STK32C: variants seen among roughly 807,000 people sequenced by gnomAD.
STK32C encodes the protein serine/threonine kinase 32C.
STK32C carries 31 observed loss-of-function variants against 56.5 expected under a neutral mutation model. The ratio of observed to expected loss-of-function variants is 0.55; its 90% CI spans 0.41 to 0.74. The LOEUF (loss-of-function observed/expected upper bound fraction) is 0.74, where lower values mean the gene tolerates loss of function less well. Among genes scored for constraint, STK32C ranks in the 30% least tolerant of loss-of-function variants. The probability of loss-of-function intolerance (pLI) is 0.00; values close to 1 mark genes in which losing one functional copy is unlikely to be tolerated. For missense variants in STK32C, 544 were observed against 676.9 expected, an observed-to-expected ratio of 0.80 and a Z score of 2.18; for synonymous variants, 309 against 289.4, an observed-to-expected ratio of 1.07 and a Z score of -0.69.
chr10:132,281,026 C>T (rs1237208897), intron 1 of STK32C, among the ~76,000 whole-genome samples: 5 of 147,460 alleles, frequency 3.4e-5, no homozygotes. Flanking sequence ...TCCGTGATCA[C>T]GTCCCTGCAC....
At chr10:132,273,326 C>A (rs1187765540) in intron 1 of STK32C, among the ~76,000 whole-genome samples, 1 of 152,012 alleles carries the variant, frequency 6.6e-6, no homozygotes, top group Non-Finnish European at 1.5e-5. Context: ...CCCTGCAGCT[C>A]TAGGGTGGGG....
intron 1 of STK32C, among the ~76,000 whole-genome samples, chr10:132,265,778 G>A (rs1239238734): frequency 6.6e-6 from 1 of 152,194 alleles, no homozygotes; most frequent in Non-Finnish European, 1.5e-5. Context: ...GCTGTCCTTA[G>A]TCGCCACGGA....
chr10:132,331,337 G>A, intron 1 of STK32C: 3 of 1,197,764 alleles, frequency 2.5e-6, no homozygotes, highest in East Asian at 2.5e-5. Flanking sequence ...AGGTGCACGG[G>A]ACTCCAGGGT....
chr10:132,320,261 A>C (rs1462234260), downstream of STK32C, among the ~76,000 whole-genome samples: 7 of 152,104 alleles, frequency 4.6e-5, no homozygotes, highest in Non-Finnish European at 8.8e-5. Context: ...ATGCTGGTTA[A>C]AGATAAACAC....
intron 2 of STK32C, among the ~76,000 whole-genome samples, chr10:132,236,232 G>T (rs1360287290): frequency 6.6e-6 from 1 of 152,234 alleles, no homozygotes; most frequent in Non-Finnish European, 1.5e-5. Context: ...GCACGGCCTG[G>T]TCAGCGAAGG....
intron 1 of STK32C, among the ~76,000 whole-genome samples, chr10:132,276,318 T>C (rs1421330731): frequency 1.3e-5 from 2 of 152,182 alleles, no homozygotes; most frequent in East Asian, 1.9e-4. Flanking sequence ...CGCGTGATCC[T>C]ACAGACACCA....
rs141242337 is a variant in STK32C at position 132,245,096 on chromosome 10, G to A, written c.318+804C>T. Among the ~76,000 whole-genome samples, 4 of 152,260 alleles carry A rather than the reference G, an allele frequency of 2.6e-5. No homozygotes were observed. In the East Asian group the frequency reaches 7.7e-4, roughly 29 times the overall value. On this transcript the variant is annotated intron_variant, in intron 2 of 11. Coordinates refer to ENST00000298630, the MANE Select transcript of STK32C (RefSeq NM_173575.4). Reference sequence around the variant, plus strand: ...TACAATGAAATGGAGGTAATTAATCGCATTCAAATACCCTACGTATTATGC... The same window carrying A: ...TACAATGAAATGGAGGTAATTAATCACATTCAAATACCCTACGTATTATGC...
chr10:132,249,783 C>T (rs991968878), intron 1 of STK32C, among the ~76,000 whole-genome samples: 37 of 152,340 alleles, frequency 2.4e-4, no homozygotes, highest in African/African-American at 8.7e-4. Context: ...CTGTTTCAGG[C>T]TCCTGTCCCC....
At chr10:132,249,098 G>A (rs1469071180) in intron 1 of STK32C, 3 of 475,028 alleles carry the variant, frequency 6.3e-6, no homozygotes, top group South Asian at 3.0e-5. Flanking sequence ...GGAGGCAGCA[G>A]CAAGGCGCAT....
intron 1 of STK32C, among the ~76,000 whole-genome samples, chr10:132,259,174 C>A (rs1039974208): frequency 3.3e-5 from 5 of 152,222 alleles, no homozygotes; most frequent in African/African-American, 1.2e-4. Flanking sequence ...CCTTCCCCAT[C>A]CCAGCCTCCA....
intron 2 of STK32C, among the ~76,000 whole-genome samples, chr10:132,231,138 G>A (rs543808712): frequency 2.0e-5 from 3 of 152,308 alleles, no homozygotes; most frequent in Non-Finnish European, 4.4e-5. Context: ...TGCTCTCCCC[G>A]TCACACGCAT....
At chr10:132,317,932 C>T (rs1034234816) in intron 1 of STK32C, among the ~76,000 whole-genome samples, 3 of 140,044 alleles carry the variant, frequency 2.1e-5, no homozygotes, top group African/African-American at 8.2e-5. Flanking sequence ...GAACCGAGAT[C>T]ACACCAAGGC....
At chr10:132,271,402 C>T (rs1388982816) in intron 1 of STK32C, among the ~76,000 whole-genome samples, 2 of 152,346 alleles carry the variant, frequency 1.3e-5, no homozygotes, top group African/African-American at 4.8e-5. Flanking sequence ...AGAACAGAGG[C>T]CACGTTCCCA....
At chr10:132,231,522 G>A (rs2063100298) in intron 2 of STK32C, among the ~76,000 whole-genome samples, 2 of 152,234 alleles carry the variant, frequency 1.3e-5, no homozygotes, top group South Asian at 4.1e-4. Flanking sequence ...TGGCCATGGT[G>A]CCTCCCTGGA....
chr10:132,238,641 G>A (rs2063383658), intron 2 of STK32C, among the ~76,000 whole-genome samples: 1 of 152,124 alleles, frequency 6.6e-6, no homozygotes, highest in African/African-American at 2.4e-5. Context: ...TGAGCTGGGG[G>A]TTGCATTTGA....
chr10:132,282,518 TGTGCCTGTGCCCACCTGTACCTGC>T (rs2065247541), intron 1 of STK32C, among the ~76,000 whole-genome samples: 1 of 151,784 alleles, frequency 6.6e-6, no homozygotes, highest in African/African-American at 2.4e-5. Context: ...TGCGCCCACC[TGTGCCTGTGCCCACCTGTACCTGC>T]GCCTGTCCTT....
chr10:132,232,272 T>C (rs2063130045), intron 2 of STK32C, among the ~76,000 whole-genome samples: 4 of 152,134 alleles, frequency 2.6e-5, no homozygotes, highest in Non-Finnish European at 5.9e-5. Context: ...GAAGGTGGTT[T>C]GGGGTGGTGT....
intron 8 of STK32C, among the ~76,000 whole-genome samples, chr10:132,224,121 G>A (rs528521865): frequency 9.2e-5 from 14 of 152,210 alleles, no homozygotes; most frequent in Admixed American, 5.9e-4. Context: ...CAGGGCGGGC[G>A]CACAAGCCTG....
chr10:132,308,556 G>C (rs1046332836), upstream of STK32C, among the ~76,000 whole-genome samples: 57 of 151,016 alleles, frequency 3.8e-4, no homozygotes, highest in Admixed American at 3.7e-3. Flanking sequence ...CTGAGTCCAA[G>C]CGCTGCGCCA....
Sources: allele counts gnomAD v4.1 joint callset (sites outside exome capture counted in the v4.1 genomes callset), GRCh38; gene constraint gnomAD v4.1.1; transcripts MANE v1.5; gene names NCBI Gene and HGNC (gene_info 2026-07-23, HGNC 2026-07-21).